Variants in SLC6A2 observed in about 807,000 individuals in gnomAD.
SLC6A2 encodes the protein sodium-dependent noradrenaline transporter.
SLC6A2 carries 26 observed loss-of-function variants against 71.7 expected under a neutral mutation model. The observed-to-expected ratio is 0.36, with a 90% CI of 0.27 to 0.50. The LOEUF is 0.50. Ranked by LOEUF, SLC6A2 falls within the 20% of genes least tolerant of loss-of-function variation. SLC6A2 has a pLI of 0.96. For missense variants in SLC6A2, 581 were observed against 803.9 expected (o/e 0.72, Z 3.35); for synonymous variants, 363 against 337.9 (o/e 1.07, Z -0.82).
At chr16:55,658,305 A>G (rs1964515100) in intron 2 of SLC6A2, among the ~76,000 whole-genome samples, 2 of 152,140 alleles carry the variant, frequency 1.3e-5, no homozygotes, top group Admixed American at 6.5e-5. Flanking sequence ...TGAGCTCAGG[A>G]GTTCGAGACC....
intron 4 of SLC6A2, among the ~76,000 whole-genome samples, chr16:55,675,961 A>G (rs1347205791): frequency 2.6e-5 from 4 of 152,046 alleles, no homozygotes; most frequent in African/African-American, 9.7e-5. Flanking sequence ...TTTGGTTGAA[A>G]GAGACCTCTG....
chr16:55,656,666 C>T lies in SLC6A2; in HGVS notation c.-29C>T, dbSNP rs1009806333. On this transcript the variant is annotated 5_prime_UTR_variant, in exon 2 of 15. Transcript: ENST00000568943. This position sits in a 1 kb window ranked among gnomAD's most constrained non-coding sequence, Gnocchi z 4.5. ...CAGAGCCTCGGCGTGCCCCCAGGAC[C>T]GGTAAAGTTCCTCTCGCCAGCCGCA... The T allele has an allele frequency of 5.0e-6, 8 of 1,611,056 alleles. No individual in the cohort carries two copies. The highest frequency in any genetic ancestry group is 6.8e-6 in the Non-Finnish European group (8 of 1,179,816).
chr16:55,702,359 G>A lies in SLC6A2; in HGVS notation c.*13G>A. ...GCTGGCCATCTGAGCCTGCCTGGAG[G>A]AGAAGGAGGAACCCCCATGCCAATG... On this transcript the variant is annotated 3_prime_UTR_variant, in exon 15 of 15. Coordinates refer to ENST00000568943, the MANE Select transcript of SLC6A2 (RefSeq NM_001172501.3). 2 of 1,614,220 alleles carry A rather than the reference G, an allele frequency of 1.2e-6. No homozygotes were observed. The highest frequency in any genetic ancestry group is 1.7e-6 in the Non-Finnish European group (2 of 1,180,048).
At position 55,691,230 on chromosome 16, in the gene SLC6A2, G is replaced by GGAGA. The variant is rs56308124; in HGVS notation, c.784-639_784-636dup. ...AAAGAGAGGGGGGGAGGGGAGAGGGGGAGAGAGAGAGAGAGAGAGAGAGAG... is the reference window on the plus strand; with the variant it reads ...AAAGAGAGGGGGGGAGGGGAGAGGGGGAGAGAGAGAGAGAGAGAGAGAGAGAGAG... On this transcript the variant is annotated intron_variant, in intron 5 of 14. Coordinates refer to ENST00000568943, the MANE Select transcript of SLC6A2 (RefSeq NM_001172501.3). Among the ~76,000 whole-genome samples, 26 of 46,458 alleles carry GGAGA rather than the reference G, an allele frequency of 5.6e-4. 1 individual carries two copies. Among genetic ancestry groups the GGAGA allele is most frequent in the African/African-American group, 1.9e-3 (19 of 9,758 alleles). The allele number at this position is 46,458 out of a possible 152,430, so 30.5% of individuals were successfully genotyped here.
In SLC6A2 at chr16:55,656,479, CCT is replaced by C. The variant is rs1247124088; in HGVS notation, c.-51-162_-51-161del. The C allele has an allele frequency of 6.5e-6, 4 of 619,260 alleles. No homozygotes were observed. The highest frequency in any genetic ancestry group is 5.7e-6 in the Non-Finnish European group (2 of 349,622). The allele number at this position is 619,260 out of a possible 1,614,324, so 38.4% of individuals were successfully genotyped here. On this transcript the variant is annotated intron_variant, in intron 1 of 14. Coordinates refer to ENST00000568943, the MANE Select transcript of SLC6A2 (RefSeq NM_001172501.3). The surrounding 1 kb of genome is among the most constrained non-coding windows in gnomAD (Gnocchi z 4.5). ...ACTCTTGAGTTCCGGCGTGCCCCAA[CCT>C]CTGTTTCCAAATTTTTCCAGCGGAC...
chr16:55,671,923 C>T lies in SLC6A2; in HGVS notation c.407-15C>T, dbSNP rs376015006. 6.2e-7 allele frequency: 1 copy of T among 1,613,880 alleles called. No individual in the cohort carries two copies. Among genetic ancestry groups the T allele is most frequent in the Non-Finnish European group, 8.5e-7 (1 of 1,179,986 alleles). ...GGCCTGGGAGACTCCTACCTTACCC[C>T]CTGTCCCTGCCCAGGCGTTGGCTAT... On this transcript the variant is annotated splice_polypyrimidine_tract_variant and intron_variant, in intron 3 of 14. Coordinates refer to ENST00000568943, the MANE Select transcript of SLC6A2 (RefSeq NM_001172501.3).
intron 3 of SLC6A2, among the ~76,000 whole-genome samples, chr16:55,671,144 G>A (rs1964898147): frequency 6.6e-6 from 1 of 152,206 alleles, no homozygotes; most frequent in Non-Finnish European, 1.5e-5. Flanking sequence ...TAAAGAGTTA[G>A]TGCGGGAAGT....
intron 2 of SLC6A2, among the ~76,000 whole-genome samples, chr16:55,660,304 AGGCTAAGG>A (rs1964576020): frequency 6.6e-6 from 1 of 152,208 alleles, no homozygotes; most frequent in Admixed American, 6.5e-5. Context: ...CTTGAAAGCC[AGGCTAAGG>A]GGTGGGGATA....
chr16:55,691,218 G>A (rs11639789), intron 5 of SLC6A2, among the ~76,000 whole-genome samples: 2 of 117,888 alleles, frequency 1.7e-5, no homozygotes, highest in Admixed American at 9.3e-5. Flanking sequence ...GAGAGGGGGG[G>A]AGGGGAGAGG....
At chr16:55,676,853 T>C (rs1424776472) in intron 4 of SLC6A2, among the ~76,000 whole-genome samples, 1 of 152,174 alleles carries the variant, frequency 6.6e-6, no homozygotes, top group East Asian at 1.9e-4. Context: ...AAAAGTCTAT[T>C]TGGATCCAGG....
At position 55,702,418 on chromosome 16, in the gene SLC6A2, C is replaced by T. The variant is rs545369102; in HGVS notation, c.*72C>T. The T allele has an allele frequency of 2.2e-5, 36 of 1,613,776 alleles. No homozygotes were observed. The highest frequency in any genetic ancestry group is 8.9e-5 in the East Asian group (4 of 44,826). ...ACAGGCATCCGCTGCGCTCCCACCT[C>T]GGACACCATCTTGGGATTCCTCCCC... is the stretch of plus-strand genomic sequence containing the variant. On this transcript the variant is annotated 3_prime_UTR_variant, in exon 15 of 15. Transcript: ENST00000568943.
chr16:55,674,356 A>G (rs1596970917), intron 4 of SLC6A2, among the ~76,000 whole-genome samples: 1 of 152,276 alleles, frequency 6.6e-6, no homozygotes, highest in East Asian at 1.9e-4. Flanking sequence ...GTCCCTGCAA[A>G]GGACATGATT....
rs532032337 is a variant in SLC6A2, at chr16:55,699,520, G to T, written c.1490-34G>T. 3.2e-6 allele frequency: 5 copies of T among 1,541,602 alleles called. No individual in the cohort carries two copies. The South Asian group carries it at 3.3e-5, about 10-fold the overall frequency. ...GGACCTGGCCCTGGCTATCATGGGGGCCATGGTAACAGGCCTGCCCTGTGT... is the reference window on the plus strand; with the variant it reads ...GGACCTGGCCCTGGCTATCATGGGGTCCATGGTAACAGGCCTGCCCTGTGT... On this transcript the variant is annotated intron_variant, in intron 11 of 14. Transcript: ENST00000568943.
intron 9 of SLC6A2, among the ~76,000 whole-genome samples, chr16:55,697,156 G>A (rs754436997): frequency 2.6e-5 from 4 of 152,160 alleles, no homozygotes; most frequent in Non-Finnish European, 5.9e-5. Context: ...GGAAGGGCTG[G>A]CACTTGGTTT....
chr16:55,666,884 G>A (rs1006265622), intron 2 of SLC6A2, among the ~76,000 whole-genome samples: 5 of 152,208 alleles, frequency 3.3e-5, no homozygotes, highest in South Asian at 2.1e-4. Flanking sequence ...TGGCGAGGTC[G>A]GAGCAGCGAC....
intron 3 of SLC6A2, among the ~76,000 whole-genome samples, chr16:55,671,212 C>T (rs1451501962): frequency 6.6e-6 from 1 of 152,172 alleles, no homozygotes; most frequent in East Asian, 1.9e-4. Context: ...AAAGGGTGTG[C>T]ACCAAGTCAA....
chr16:55,656,993 TTTG>T lies in SLC6A2; in HGVS notation c.274+26_274+28del. 6.2e-7 allele frequency: 1 copy of T among 1,610,494 alleles called. No homozygotes were observed. Among genetic ancestry groups the T allele is most frequent in the Non-Finnish European group, 8.5e-7 (1 of 1,178,380 alleles). ...GGTGAGCGTGGGGTCGGGCTGGGAA[TTTG>T]AATCTGGGAGGTCCACTGTCTGCAG... is the stretch of plus-strand genomic sequence containing the variant. On this transcript the variant is annotated intron_variant, in intron 2 of 14. Coordinates refer to ENST00000568943, the MANE Select transcript of SLC6A2 (RefSeq NM_001172501.3). This position sits in a 1 kb window ranked among gnomAD's most constrained non-coding sequence, Gnocchi z 4.5.
chr16:55,666,377 C>T (rs1289629640), intron 2 of SLC6A2, among the ~76,000 whole-genome samples: 1 of 152,236 alleles, frequency 6.6e-6, no homozygotes, highest in African/African-American at 2.4e-5. Flanking sequence ...GTTGACTTCA[C>T]TCATCCCTGG....
chr16:55,697,191 G>T (rs958782728), intron 9 of SLC6A2, among the ~76,000 whole-genome samples: 2 of 152,200 alleles, frequency 1.3e-5, no homozygotes, highest in African/African-American at 4.8e-5. Flanking sequence ...TTTGCTTTCA[G>T]TCAGCAGATC....
Sources: allele counts gnomAD v4.1 joint callset (sites outside exome capture counted in the v4.1 genomes callset), GRCh38; gene constraint gnomAD v4.1.1; non-coding constraint Gnocchi (gnomAD v3.1); transcripts MANE v1.5; gene names NCBI Gene and HGNC (gene_info 2026-07-23, HGNC 2026-07-21).